The following HDAC8 variants were observed in gnomAD, a reference collection of about 807,000 sequenced individuals.
The protein encoded by HDAC8 is histone deacetylase-like 1.
A neutral mutation model predicts 32.2 loss-of-function variants in HDAC8; 1 was observed. The observed-to-expected ratio is 0.03, with a 90% CI of 0.01 to 0.15. The LOEUF (loss-of-function observed/expected upper bound fraction) is 0.15. Among genes scored for constraint, HDAC8 ranks in the 10% least tolerant of loss-of-function variants. The pLI, the probability that HDAC8 is intolerant of heterozygous loss-of-function variation, is 1.00. For synonymous variants in HDAC8, 108 were observed against 113.9 expected, an observed-to-expected ratio of 0.95 and a Z score of 0.33; for missense variants, 117 against 300.0, an observed-to-expected ratio of 0.39 and a Z score of 4.51.
intron 9 of HDAC8, among the ~76,000 whole-genome samples, chrX:72,383,040 A>C (rs1308408215): frequency 8.9e-6 from 1 of 111,915 alleles, no homozygotes; most frequent in African/African-American, 3.3e-5. Flanking sequence ...AAGCATACAA[A>C]CTGGTCCTAG....
intron 9 of HDAC8, among the ~76,000 whole-genome samples, chrX:72,357,240 G>A (rs782359063): frequency 9.2e-6 from 1 of 108,262 alleles, no homozygotes; most frequent in Non-Finnish European, 1.9e-5. Flanking sequence ...GTACGTGTGT[G>A]AGAGGGGAGT....
intron 7 of HDAC8, chrX:72,467,170 A>C (rs1330236085): frequency 1.1e-5 from 1 of 95,224 alleles, no homozygotes; most frequent in East Asian, 3.0e-4. Context: ...ATAAAATTGC[A>C]TAGAGCTACA....
intron 9 of HDAC8, among the ~76,000 whole-genome samples, chrX:72,400,480 CT>C (rs1198486750): frequency 9.8e-5 from 11 of 111,948 alleles, no homozygotes; most frequent in African/African-American, 2.9e-4. Context: ...TCTTTGAGTC[CT>C]TGTGTTCCCT....
At chrX:72,535,767 A>G (rs1206826203) in intron 4 of HDAC8, among the ~76,000 whole-genome samples, 4 of 111,817 alleles carry the variant, frequency 3.6e-5, no homozygotes, top group African/African-American at 6.5e-5. Context: ...ACTCAGGTAA[A>G]TCCGGTCATA....
intron 7 of HDAC8, among the ~76,000 whole-genome samples, chrX:72,470,080 G>A (rs1303937145): frequency 9.1e-6 from 1 of 109,752 alleles, no homozygotes; most frequent in Admixed American, 9.8e-5. Context: ...CCTGGGAGGC[G>A]GAGGTTGCAG....
At chrX:72,350,219 T>C (rs1267716818) in intron 10 of HDAC8, among the ~76,000 whole-genome samples, 4 of 110,938 alleles carry the variant, frequency 3.6e-5, no homozygotes, top group Non-Finnish European at 5.7e-5. Flanking sequence ...CTTGAAACTA[T>C]AGGGTCGCGA....
At chrX:72,559,039 TCCCCCTCCCCCTCC>T (rs1317997570) in intron 4 of HDAC8, among the ~76,000 whole-genome samples, 1 of 10,347 alleles carries the variant, frequency 9.7e-5, no homozygotes, top group Non-Finnish European at 1.8e-4. Context: ...CTTCTCCCCC[TCCCCCTCCCCCTCC>T]CCCCCTCCCC....
At chrX:72,511,623 T>C (rs1431681123) in intron 4 of HDAC8, among the ~76,000 whole-genome samples, 1 of 112,005 alleles carries the variant, frequency 8.9e-6, no homozygotes. Context: ...GCCATTGTGT[T>C]CAGTGGACTG....
intron 9 of HDAC8, among the ~76,000 whole-genome samples, chrX:72,456,189 C>T (rs897415749): frequency 5.4e-5 from 6 of 111,676 alleles, no homozygotes; most frequent in Non-Finnish European, 1.1e-4. Flanking sequence ...ATAACAATGA[C>T]ATTTTTCTTA....
At chrX:72,537,471 ACTG>A (rs1490718302) in intron 4 of HDAC8, among the ~76,000 whole-genome samples, 3 of 112,386 alleles carry the variant, frequency 2.7e-5, no homozygotes, top group African/African-American at 9.7e-5. Context: ...TTTAGTAAAT[ACTG>A]CTATTATTTA....
At chrX:72,442,877 G>A (rs2047205140) in intron 9 of HDAC8, among the ~76,000 whole-genome samples, 2 of 109,761 alleles carry the variant, frequency 1.8e-5, no homozygotes, top group South Asian at 4.0e-4. Flanking sequence ...AAAGGCAGGG[G>A]TTGCAATCCT....
intron 4 of HDAC8, among the ~76,000 whole-genome samples, chrX:72,525,813 C>CAAAAAAAAAA (rs57801277): frequency 4.6e-5 from 1 of 21,554 alleles, no homozygotes; most frequent in African/African-American, 1.5e-4. Context: ...GACTCTGTCT[C>CAAAAAAAAAA]AAAAAAAAAA....
chrX:72,432,129 C>T (rs1555977692), intron 9 of HDAC8, among the ~76,000 whole-genome samples: 1 of 110,877 alleles, frequency 9.0e-6, no homozygotes, highest in South Asian at 3.9e-4. Flanking sequence ...TACCACCTCA[C>T]CCAATTAATT....
intron 10 of HDAC8, among the ~76,000 whole-genome samples, chrX:72,333,373 T>C (rs1314453963): frequency 8.9e-6 from 1 of 112,126 alleles, no homozygotes; most frequent in Non-Finnish European, 1.9e-5. Context: ...CTAGCTGTGA[T>C]CACATTCCTT....
intron 4 of HDAC8, among the ~76,000 whole-genome samples, chrX:72,549,035 C>A (rs1569394958): frequency 8.9e-6 from 1 of 111,848 alleles, no homozygotes; most frequent in African/African-American, 3.2e-5. Context: ...TGTAAACCAT[C>A]ATAAAATATA....
At chrX:72,532,507 A>T (rs1293154922) in intron 4 of HDAC8, among the ~76,000 whole-genome samples, 1 of 94,895 alleles carries the variant, frequency 1.1e-5, no homozygotes, top group Non-Finnish European at 2.1e-5. Context: ...TAGAGACAGG[A>T]TCTTGCTCTG....
chrX:72,397,139 C>G (rs1238865411), intron 9 of HDAC8, among the ~76,000 whole-genome samples: 3 of 110,932 alleles, frequency 2.7e-5, no homozygotes, highest in African/African-American at 9.9e-5. Context: ...GATCTCATGA[C>G]TCACTATCAC....
intron 4 of HDAC8, among the ~76,000 whole-genome samples, chrX:72,502,595 G>A (rs1160472826): frequency 2.7e-5 from 3 of 111,151 alleles, no homozygotes; most frequent in South Asian, 3.9e-4. Context: ...ACCTTTACAA[G>A]TATCCCCGAA....
At chrX:72,471,324 A>G in intron 7 of HDAC8, among the ~76,000 whole-genome samples, 1 of 112,349 alleles carries the variant, frequency 8.9e-6, no homozygotes, top group Non-Finnish European at 1.9e-5. Flanking sequence ...TTGTGTAGAC[A>G]CATTTTCAAT....
Sources: gnomAD v4.1 joint callset for allele counts (sites outside exome capture counted in the v4.1 genomes callset) on GRCh38, gnomAD v4.1.1 for gene constraint, MANE v1.5 for transcripts, NCBI Gene and HGNC (gene_info 2026-07-23, HGNC 2026-07-21) for gene names.